Variants in CFAP92 observed in about 807,000 individuals in gnomAD.
The protein encoded by CFAP92 is cilia and flagella associated protein 92 (putative), also known as uncharacterized protein CFAP92.
CFAP92 carries 86 observed loss-of-function variants against 106.3 expected under a neutral mutation model. The ratio of observed to expected loss-of-function variants is 0.81; its 90% CI spans 0.68 to 0.97. CFAP92 has a LOEUF of 0.97. Among genes scored for constraint, CFAP92 ranks in the 50% least tolerant of loss-of-function variants. The pLI, the probability that CFAP92 is intolerant of heterozygous loss-of-function variation, is 0.00. For synonymous variants in CFAP92, 477 were observed against 506.4 expected (o/e 0.94, Z 0.78); for missense variants, 1,204 against 1,283.8 (o/e 0.94, Z 0.95).
the CFAP92 span, among the ~76,000 whole-genome samples, chr3:129,009,097 T>C: frequency 6.6e-6 from 1 of 152,160 alleles, no homozygotes; most frequent in Non-Finnish European, 1.5e-5. Flanking sequence ...TGTCATTCAA[T>C]CCCTGCCCAA....
At position 128,993,197 on chromosome 3, in the gene CFAP92, G is replaced by A. The variant is rs1039690540; in HGVS notation, c.108C>T (p.His36=). 4.3e-6 allele frequency: 7 copies of A among 1,614,056 alleles called. No individual in the cohort carries two copies. Among genetic ancestry groups the A allele is most frequent in the Non-Finnish European group, 5.9e-6 (7 of 1,179,890 alleles). ...QSTSECDVEE[H]LKAKARAQES... is the part of the protein sequence containing the mutation. ...CCTGGGCCCTGGCCTTGGCCTTCAGGTGTTCCTCCACGTCACACTCGCTCG... is the reference window on the plus strand; with the variant it reads ...CCTGGGCCCTGGCCTTGGCCTTCAGATGTTCCTCCACGTCACACTCGCTCG... Residue 36 remains histidine, a synonymous_variant, in exon 2 of 16, where the codon CAC becomes CAT. Coordinates refer to ENST00000645291, the MANE Select transcript of CFAP92 (RefSeq NM_001394090.1).
intron 1 of CFAP92, chr3:129,002,043 G>A (rs747504557): frequency 2.6e-6 from 4 of 1,543,646 alleles, no homozygotes; most frequent in East Asian, 2.5e-5. Flanking sequence ...CGAGCCGCCG[G>A]AGCTCACCTT....
At chr3:129,018,749 C>T in the CFAP92 span, among the ~76,000 whole-genome samples, 1 of 152,182 alleles carries the variant, frequency 6.6e-6, no homozygotes, top group Admixed American at 6.5e-5. Context: ...AGTCCCTCCC[C>T]GGTGATTTCT....
At chr3:128,992,997 C>A (rs1025229580) in intron 2 of CFAP92, 46 bp downstream of exon 2, 1 of 1,605,582 alleles carries the variant, frequency 6.2e-7, no homozygotes, top group African/African-American at 1.3e-5. Flanking sequence ...GAAAGTCATG[C>A]ACCTCCTTTT....
chr3:128,922,850 A>G (rs569888776), intron 12 of CFAP92, among the ~76,000 whole-genome samples: 1 of 152,356 alleles, frequency 6.6e-6, no homozygotes, highest in Non-Finnish European at 1.5e-5. Flanking sequence ...GAGCCACAGC[A>G]TCTAGTGGAC....
chr3:129,011,403 T>C, the CFAP92 span, among the ~76,000 whole-genome samples: 1 of 151,936 alleles, frequency 6.6e-6, no homozygotes, highest in African/African-American at 2.4e-5. Flanking sequence ...ATACAAAAAT[T>C]AGCCAGGTGT....
rs543582338 is a variant in CFAP92 at position 128,993,014 on chromosome 3, G to C, written c.262+29C>G. ...AAGTCATGCACCTCCTTTTTTCAGA[G>C]GGTGTTAAACTTCTGCTCTAGCACC... On this transcript the variant is annotated intron_variant, in intron 2 of 15. Transcript: ENST00000645291. 7 of 1,609,358 alleles carry C rather than the reference G, an allele frequency of 4.3e-6. No homozygotes were observed. In the East Asian group the frequency reaches 1.3e-4, roughly 31 times the overall value.
Position 128,961,247 on chromosome 3 carries a change from T to C in CFAP92, c.1353+4264A>G, listed in dbSNP as rs935140827. ...GGTGCCTGACGTCCCGGCATTCTTT[T>C]ACACATCAGTCCCTTCCTAGTCGCT... is the stretch of plus-strand genomic sequence containing the variant. On this transcript the variant is annotated intron_variant, in intron 9 of 15. Coordinates refer to ENST00000645291, the MANE Select transcript of CFAP92 (RefSeq NM_001394090.1). Among the ~76,000 whole-genome samples, 78 of 152,322 alleles carry C rather than the reference T, an allele frequency of 5.1e-4. 1 individual carries two copies. Among genetic ancestry groups the C allele is most frequent in the Non-Finnish European group, 1.0e-3 (68 of 68,028 alleles).
chr3:128,959,347 G>A (rs1468724361), intron 9 of CFAP92, among the ~76,000 whole-genome samples: 2 of 152,136 alleles, frequency 1.3e-5, no homozygotes, highest in African/African-American at 4.8e-5. Flanking sequence ...TCAAAACTCT[G>A]AAGGCAAATG....
At chr3:128,923,204 C>T (rs1044164817) in intron 12 of CFAP92, among the ~76,000 whole-genome samples, 5 of 152,168 alleles carry the variant, frequency 3.3e-5, no homozygotes, top group African/African-American at 7.2e-5. Context: ...GACCATGGAA[C>T]AGGAGACTGG....
chr3:128,927,802 A>G (rs749882079), intron 12 of CFAP92, among the ~76,000 whole-genome samples: 1 of 152,152 alleles, frequency 6.6e-6, no homozygotes, highest in East Asian at 1.9e-4. Context: ...AACACCATTA[A>G]TTTCACAAAA....
intron 7 of CFAP92, among the ~76,000 whole-genome samples, chr3:128,972,004 G>C (rs956379060): frequency 1.3e-5 from 2 of 152,126 alleles, no homozygotes; most frequent in Non-Finnish European, 2.9e-5. Context: ...AAGACCAATG[G>C]GACAGACGAG....
chr3:128,960,406 G>C (rs560229713), intron 9 of CFAP92, among the ~76,000 whole-genome samples: 33 of 152,226 alleles, frequency 2.2e-4, no homozygotes, highest in African/African-American at 7.5e-4. Context: ...TCCGGTAAGC[G>C]GCCTCTTTTG....
chr3:129,001,302 G>A (rs1944727752), intron 1 of CFAP92, among the ~76,000 whole-genome samples: 1 of 152,186 alleles, frequency 6.6e-6, no homozygotes, highest in Admixed American at 6.5e-5. Flanking sequence ...GAGGAAAAGC[G>A]CAGACGCCAG....
intron 1 of CFAP92, chr3:129,002,286 G>A (rs920726419): frequency 3.3e-6 from 5 of 1,528,340 alleles, no homozygotes; most frequent in Admixed American, 4.0e-5. Context: ...CCTGCGCGCC[G>A]CGCTGCAGAG....
upstream of CFAP92, among the ~76,000 whole-genome samples, chr3:128,994,744 G>A (rs1944416369): frequency 6.6e-6 from 1 of 152,308 alleles, no homozygotes; most frequent in South Asian, 2.1e-4. Context: ...CAAGCTGAGA[G>A]CCCTGGCTGC....
At chr3:129,020,231 A>G in the CFAP92 span, among the ~76,000 whole-genome samples, 1 of 152,218 alleles carries the variant, frequency 6.6e-6, no homozygotes, top group Non-Finnish European at 1.5e-5. Context: ...AGGAAGCTGT[A>G]AACAGAGTGT....
At chr3:128,961,625 GCT>G (rs1032027551) in intron 9 of CFAP92, among the ~76,000 whole-genome samples, 14 of 152,252 alleles carry the variant, frequency 9.2e-5, no homozygotes, top group African/African-American at 2.6e-4. Flanking sequence ...TAGCGTTTAG[GCT>G]CTTTTTCATC....
the CFAP92 span, among the ~76,000 whole-genome samples, chr3:129,014,406 C>T: frequency 2.6e-5 from 4 of 152,204 alleles, no homozygotes; most frequent in African/African-American, 4.8e-5. This position sits in a 1 kb window ranked among gnomAD's most constrained non-coding sequence, Gnocchi z 4.3. Flanking sequence ...GCTTCTCCTG[C>T]GGCCTCTCTC....
Sources: gnomAD v4.1 joint callset for allele counts (sites outside exome capture counted in the v4.1 genomes callset) on GRCh38, gnomAD v4.1.1 for gene constraint, Gnocchi (gnomAD v3.1) non-coding constraint, MANE v1.5 for transcripts, NCBI Gene and HGNC (gene_info 2026-07-23, HGNC 2026-07-21) for gene names.